The following ITM2C variants were observed in gnomAD, a reference collection of about 807,000 sequenced individuals.
ITM2C encodes integral membrane protein 2C, also known as BRICHOS domain containing 2C.
ITM2C carries 20 observed loss-of-function variants against 30.0 expected under a neutral mutation model. The ratio of observed to expected loss-of-function variants is 0.67; its 90% CI spans 0.47 to 0.97. ITM2C has a LOEUF of 0.97. Ranked by LOEUF, ITM2C falls within the 50% of genes least tolerant of loss-of-function variation. The pLI is 0.00. For synonymous variants in ITM2C, 167 were observed against 156.4 expected (o/e 1.07, Z -0.51); for missense variants, 366 against 371.9 (o/e 0.98, Z 0.13).
At chr2:230,871,734 G>A (rs1224516707) in intron 1 of ITM2C, among the ~76,000 whole-genome samples, 1 of 152,252 alleles carries the variant, frequency 6.6e-6, no homozygotes, top group East Asian at 1.9e-4. Flanking sequence ...ACAGGCAGGG[G>A]CACCCCATGG....
intron 1 of ITM2C, among the ~76,000 whole-genome samples, chr2:230,867,670 T>C (rs1322170511): frequency 9.7e-5 from 5 of 51,306 alleles, no homozygotes; most frequent in Non-Finnish European, 1.9e-4. Flanking sequence ...TTTATTTTAT[T>C]TTTTTTTTTG....
At chr2:230,873,890 G>A (rs1275821888) in intron 2 of ITM2C, among the ~76,000 whole-genome samples, 1 of 152,232 alleles carries the variant, frequency 6.6e-6, no homozygotes, top group Non-Finnish European at 1.5e-5. Context: ...CCACAGCTCA[G>A]ACCCTGCACC....
Position 230,877,216 on chromosome 2 carries a change from G to T in ITM2C, c.562-184G>T, listed in dbSNP as rs917971992. Among the ~76,000 whole-genome samples the T allele has an allele frequency of 1.3e-5, 2 of 152,174 alleles. No individual in the cohort carries two copies. Among genetic ancestry groups the T allele is most frequent in the African/African-American group, 4.8e-5 (2 of 41,434 alleles). On this transcript the variant is annotated intron_variant, in intron 4 of 5. Transcript: ENST00000326427. This position sits in a 1 kb window ranked among gnomAD's most constrained non-coding sequence, Gnocchi z 4.8. ...AAGGTTGTACCCTGGGTACGGACTCGTGCGCATGCCATTGCTCCTGGCAGC... is the reference window on the plus strand; with the variant it reads ...AAGGTTGTACCCTGGGTACGGACTCTTGCGCATGCCATTGCTCCTGGCAGC...
At position 230,864,975 on chromosome 2, in the gene ITM2C, C is replaced by T. The variant is rs888398766; in HGVS notation, c.-51C>T. ...AGCTCGGAGCGGCGGAGGCAGAGAC[C>T]GAGGCTGCACCGGCAGAGGCTGCGG... On this transcript the variant is annotated 5_prime_UTR_variant, in exon 1 of 6. Coordinates refer to ENST00000326427, the MANE Select transcript of ITM2C (RefSeq NM_030926.6). The surrounding 1 kb of genome is among the most constrained non-coding windows in gnomAD (Gnocchi z 4.3). 2.9e-6 allele frequency: 4 copies of T among 1,399,820 alleles called. No individual in the cohort carries two copies. The highest frequency in any genetic ancestry group is 2.9e-5 in the East Asian group (1 of 34,280). 86.7% of individuals were successfully genotyped at this position (1,399,820 alleles called of 1,614,324 possible). A position where few individuals can be genotyped will look rare whatever the true frequency, so the allele number is the denominator to read the frequency against.
At chr2:230,875,593 G>C (rs745544046) in intron 2 of ITM2C, 27 bp from the exon 3 acceptor site, 2 of 1,568,028 alleles carry the variant, frequency 1.3e-6, no homozygotes, top group African/African-American at 1.3e-5. Context: ...CTCTCTGACT[G>C]TCTGTCTGTC....
At chr2:230,875,572 G>A (rs553530831) in intron 2 of ITM2C, 48 bp from the exon 3 acceptor site, 28 of 1,540,632 alleles carry the variant, frequency 1.8e-5, no homozygotes, top group Admixed American at 1.7e-4. Context: ...CGGAGTGCGT[G>A]TATGACCAGC....
intron 2 of ITM2C, 84 bp from the exon 3 acceptor site, chr2:230,875,536 G>A (rs1052055353): frequency 1.5e-5 from 18 of 1,228,098 alleles, no homozygotes; most frequent in East Asian, 4.8e-5. Flanking sequence ...GGCATGTAGC[G>A]GACGGGTAGG....
intron 1 of ITM2C, among the ~76,000 whole-genome samples, chr2:230,870,648 C>G (rs6704687): frequency 0.024 from 3,661 of 152,346 alleles, 152 homozygotes; most frequent in African/African-American, 0.083. Flanking sequence ...TCACCTTCTC[C>G]CTGCTCTGTC....
At chr2:230,871,424 G>A (rs572786913) in intron 1 of ITM2C, among the ~76,000 whole-genome samples, 13 of 152,334 alleles carry the variant, frequency 8.5e-5, no homozygotes, top group Non-Finnish European at 1.5e-4. Flanking sequence ...TGCTGCTCCC[G>A]GGAGTCCATT....
intron 1 of ITM2C, among the ~76,000 whole-genome samples, chr2:230,872,000 C>T (rs781611135): frequency 6.6e-6 from 1 of 152,236 alleles, no homozygotes; most frequent in Non-Finnish European, 1.5e-5. Context: ...TGAACCACCC[C>T]CCTCCAGGGG....
At chr2:230,867,689 T>G (rs2125013999) in intron 1 of ITM2C, among the ~76,000 whole-genome samples, 1 of 150,628 alleles carries the variant, frequency 6.6e-6, no homozygotes, top group Non-Finnish European at 1.5e-5. Context: ...TGAGACAGAG[T>G]CTCACTTTTA....
chr2:230,868,381 C>G (rs1011892250), intron 1 of ITM2C, among the ~76,000 whole-genome samples: 6 of 152,024 alleles, frequency 3.9e-5, no homozygotes, highest in Non-Finnish European at 8.8e-5. Context: ...CAACTGGATC[C>G]CTCCTCCCCT....
At chr2:230,870,298 G>A (rs1325844583) in intron 1 of ITM2C, among the ~76,000 whole-genome samples, 1 of 152,272 alleles carries the variant, frequency 6.6e-6, no homozygotes, top group Non-Finnish European at 1.5e-5. Flanking sequence ...GCCTCTGTGT[G>A]GGGCTTTATG....
chr2:230,875,845 G>A (rs1280996880), intron 3 of ITM2C, 37 bp downstream of exon 3: 1 of 863,404 alleles, frequency 1.2e-6, no homozygotes. Flanking sequence ...GGGGGTGGGA[G>A]GGTGTCCCGG....
rs1180367298 is a variant in ITM2C at position 230,873,583 on chromosome 2, A to G, written c.261+26A>G. ...GTGAGGGGCCGGGCCAGGTAGGGGC[A>G]AGGCCTCGAGAAAGGGTCATGTCTA... On this transcript the variant is annotated intron_variant, in intron 2 of 5. Transcript: ENST00000326427. The G allele has an allele frequency of 3.2e-6, 5 of 1,584,202 alleles. No individual in the cohort carries two copies. In the Admixed American group the frequency reaches 9.2e-5, roughly 29 times the overall value.
In ITM2C at chr2:230,875,820, C is replaced by A; in HGVS notation, c.450+12C>A. The A allele has an allele frequency of 2.2e-6, 3 of 1,343,224 alleles. No homozygotes were observed. Among genetic ancestry groups the A allele is most frequent in the Non-Finnish European group, 2.9e-6 (3 of 1,035,530 alleles). 83.2% of individuals were successfully genotyped at this position (1,343,224 alleles called of 1,614,324 possible). A position where few individuals can be genotyped will look rare whatever the true frequency, so the allele number is the denominator to read the frequency against. On this transcript the variant is annotated intron_variant, in intron 3 of 5. Transcript: ENST00000326427. ...ATGACTTCCAGCGGGTGAGGCTGGCCAGGGCCTGGGGGTGGGGGGTGGGAG... is the reference window on the plus strand; with the variant it reads ...ATGACTTCCAGCGGGTGAGGCTGGCAAGGGCCTGGGGGTGGGGGGTGGGAG...
In ITM2C at chr2:230,877,086, C is replaced by T; in HGVS notation, c.561+119C>T. ...TGTCAGGGGTTGGGGGAGCAAGAGA[C>T]ATTGCTGGCACCTGGGCCCTGTACC... On this transcript the variant is annotated intron_variant, in intron 4 of 5. Transcript: ENST00000326427. This position sits in a 1 kb window ranked among gnomAD's most constrained non-coding sequence, Gnocchi z 4.8. 2 of 747,048 alleles carry T rather than the reference C, an allele frequency of 2.7e-6. No individual in the cohort carries two copies. The highest frequency in any genetic ancestry group is 4.6e-6 in the Non-Finnish European group (2 of 435,996). The allele number at this position is 747,048 out of a possible 1,614,324, so 46.3% of individuals were successfully genotyped here.
chr2:230,876,996 A>G (rs7570262), intron 4 of ITM2C, 29 bp downstream of exon 4: 47,360 of 1,430,656 alleles, frequency 0.033, 974 homozygotes, highest in Middle Eastern at 0.066. Flanking sequence ...GGATGTCTGC[A>G]GCATCCTGTC....
chr2:230,871,218 GTGTT>G (rs1574592740), intron 1 of ITM2C, among the ~76,000 whole-genome samples: 1 of 152,256 alleles, frequency 6.6e-6, no homozygotes, highest in African/African-American at 2.4e-5. Context: ...CTGAGCCCTG[GTGTT>G]TGTTGTGTCC....
Sources: gnomAD v4.1 joint callset for allele counts (sites outside exome capture counted in the v4.1 genomes callset) on GRCh38, gnomAD v4.1.1 for gene constraint, Gnocchi (gnomAD v3.1) non-coding constraint, MANE v1.5 for transcripts, NCBI Gene and HGNC (gene_info 2026-07-23, HGNC 2026-07-21) for gene names.